The following MIS18A variants were observed in gnomAD, a reference collection of about 807,000 sequenced individuals.
MIS18A encodes the protein MIS18 kinetochore protein A.
MIS18A carries 14 observed loss-of-function variants against 25.0 expected under a neutral mutation model. That is an observed-to-expected ratio of 0.56 (90% CI 0.37 to 0.88). MIS18A has a LOEUF of 0.88. MIS18A is among the 40% of genes least tolerant of loss of function. The probability of loss-of-function intolerance (pLI) is 0.00; values close to 1 mark genes in which losing one functional copy is unlikely to be tolerated. For synonymous variants in MIS18A, 134 were observed against 118.6 expected (o/e 1.13, Z -0.84); for missense variants, 292 against 290.8 (o/e 1.00, Z -0.03).
chr21:32,274,866 TCC>T lies in MIS18A; in HGVS notation c.363_364del (p.Glu122ThrfsTer7). 1.2e-6 allele frequency: 2 copies of T among 1,613,058 alleles called. No individual in the cohort carries two copies. The highest frequency in any genetic ancestry group is 1.7e-6 in the Non-Finnish European group (2 of 1,179,242). ...CTTTTCACGTTTGGATAGCTTCTGT[TCC>T]TTATCCACAGAAACATTACAGGAAA... On this transcript the variant is annotated frameshift_variant, in exon 2 of 5. Coordinates refer to ENST00000290130, the MANE Select transcript of MIS18A (RefSeq NM_018944.3). LOFTEE classifies it high-confidence loss of function.
chr21:32,189,270 A>AT, the MIS18A span, among the ~76,000 whole-genome samples: 1 of 151,982 alleles, frequency 6.6e-6, no homozygotes, highest in Non-Finnish European at 1.5e-5. Flanking sequence ...ACTTTATTTT[A>AT]TTTTTTATTT....
At chr21:32,252,203 GAGAAGAAGAAGA>G in the MIS18A span, among the ~76,000 whole-genome samples, 223 of 119,268 alleles carry the variant, frequency 1.9e-3, 2 homozygotes, top group African/African-American at 6.7e-3. Flanking sequence ...GGAAGAGGAG[GAGAAGAAGAAGA>G]AGAAGAAGAA....
At chr21:32,174,351 T>C in the MIS18A span, among the ~76,000 whole-genome samples, 1 of 151,990 alleles carries the variant, frequency 6.6e-6, no homozygotes, top group African/African-American at 2.4e-5. Flanking sequence ...GAAAGTAAAA[T>C]AATGAAAAAT....
At chr21:32,208,019 C>T in the MIS18A span, among the ~76,000 whole-genome samples, 1 of 152,186 alleles carries the variant, frequency 6.6e-6, no homozygotes, top group African/African-American at 2.4e-5. Flanking sequence ...AATATGTAGC[C>T]AGTCCTGCAT....
chr21:32,208,863 C>A, the MIS18A span, among the ~76,000 whole-genome samples: 1 of 152,188 alleles, frequency 6.6e-6, no homozygotes. Context: ...TAGGCGGAGC[C>A]AGGTCCTTGC....
the MIS18A span, among the ~76,000 whole-genome samples, chr21:32,199,332 T>C: frequency 6.6e-6 from 1 of 151,788 alleles, no homozygotes; most frequent in African/African-American, 2.4e-5. Context: ...GGAGTGGGAG[T>C]TGGGGCTACC....
chr21:32,157,116 C>A, the MIS18A span, among the ~76,000 whole-genome samples: 2 of 142,820 alleles, frequency 1.4e-5, no homozygotes, highest in Non-Finnish European at 3.0e-5. Context: ...AGTGCAGTGG[C>A]GTGATCTTGG....
At chr21:32,196,612 G>A in the MIS18A span, among the ~76,000 whole-genome samples, 1 of 152,166 alleles carries the variant, frequency 6.6e-6, no homozygotes, top group Non-Finnish European at 1.5e-5. Context: ...ATGCCACTGT[G>A]CCCAGCTAAT....
At chr21:32,227,239 GA>G in the MIS18A span, among the ~76,000 whole-genome samples, 6 of 151,660 alleles carry the variant, frequency 4.0e-5, no homozygotes, top group South Asian at 6.2e-4. Flanking sequence ...ATAGAGAATA[GA>G]AAGTAATAAA....
chr21:32,170,796 A>G, the MIS18A span, among the ~76,000 whole-genome samples: 18 of 152,044 alleles, frequency 1.2e-4, no homozygotes, highest in Non-Finnish European at 2.6e-4. Context: ...ACCAAGTGGG[A>G]TTCATCCCAG....
chr21:32,222,662 T>C, the MIS18A span, among the ~76,000 whole-genome samples: 1 of 152,098 alleles, frequency 6.6e-6, no homozygotes, highest in Non-Finnish European at 1.5e-5. Flanking sequence ...CCAGGCGTGG[T>C]GGCTCATGCC....
chr21:32,275,698 T>C (rs1004308885), intron 1 of MIS18A, among the ~76,000 whole-genome samples: 16 of 152,114 alleles, frequency 1.1e-4, no homozygotes, highest in Non-Finnish European at 2.4e-4. Context: ...ACAGTCTACC[T>C]TAACTCGGTA....
At chr21:32,185,470 G>A in the MIS18A span, among the ~76,000 whole-genome samples, 1 of 152,176 alleles carries the variant, frequency 6.6e-6, no homozygotes, top group African/African-American at 2.4e-5. Context: ...TACCTGTGAT[G>A]CTGTCAGGAG....
the MIS18A span, among the ~76,000 whole-genome samples, chr21:32,262,461 A>C: frequency 2.6e-5 from 4 of 152,232 alleles, no homozygotes; most frequent in Non-Finnish European, 5.9e-5. Flanking sequence ...CCCCAAAATG[A>C]CAAGCCCCGC....
chr21:32,267,378 G>C (rs1002794805), downstream of MIS18A, among the ~76,000 whole-genome samples: 1 of 151,684 alleles, frequency 6.6e-6, no homozygotes, highest in Admixed American at 6.5e-5. Context: ...CACGTGCAGA[G>C]ATGGAAAGGT....
chr21:32,224,035 T>TATCTCA, the MIS18A span, among the ~76,000 whole-genome samples: 1 of 152,252 alleles, frequency 6.6e-6, no homozygotes, highest in Non-Finnish European at 1.5e-5. Context: ...ACCAGATGAT[T>TATCTCA]ATCTCAATAG....
the MIS18A span, among the ~76,000 whole-genome samples, chr21:32,165,988 A>G: frequency 6.6e-6 from 1 of 152,046 alleles, no homozygotes; most frequent in Admixed American, 6.6e-5. Flanking sequence ...TGATATTAAA[A>G]CCCCATCTTG....
At chr21:32,187,406 G>A in the MIS18A span, among the ~76,000 whole-genome samples, 1 of 152,172 alleles carries the variant, frequency 6.6e-6, no homozygotes, top group Non-Finnish European at 1.5e-5. Context: ...AGTGAGTGGA[G>A]TTTTTACCAG....
the MIS18A span, among the ~76,000 whole-genome samples, chr21:32,206,246 GAAGGAAAAGTATTTT>G: frequency 2.6e-5 from 4 of 152,180 alleles, no homozygotes; most frequent in Non-Finnish European, 4.4e-5. Context: ...GGCTGGGGGT[GAAGGAAAAGTATTTT>G]CCATCCCTTC....
Sources: allele counts gnomAD v4.1 joint callset (sites outside exome capture counted in the v4.1 genomes callset), GRCh38; gene constraint gnomAD v4.1.1; transcripts MANE v1.5; gene names NCBI Gene and HGNC (gene_info 2026-07-23, HGNC 2026-07-21).